The following ERLEC1 variants were observed in gnomAD, a reference collection of about 807,000 sequenced individuals.
The protein encoded by ERLEC1 is endoplasmic reticulum lectin 1.
ERLEC1 carries 47 observed loss-of-function variants against 68.0 expected under a neutral mutation model. That is an observed-to-expected ratio of 0.69 (90% CI 0.55 to 0.88). ERLEC1 has a LOEUF of 0.88. Ranked by LOEUF, ERLEC1 falls within the 40% of genes least tolerant of loss-of-function variation. The pLI, the probability that ERLEC1 is intolerant of heterozygous loss-of-function variation, is 0.00. For missense variants in ERLEC1, 567 were observed against 583.8 expected (o/e 0.97, Z 0.30); for synonymous variants, 225 against 203.2 (o/e 1.11, Z -0.91).
At chr2:53,817,174 C>A (rs1474341572) in intron 13 of ERLEC1, among the ~76,000 whole-genome samples, 1 of 151,360 alleles carries the variant, frequency 6.6e-6, no homozygotes, top group East Asian at 1.9e-4. Context: ...CGCTCTGTCA[C>A]CCAGGCTGGA....
At chr2:53,796,945 G>A (rs926449181) in intron 3 of ERLEC1, among the ~76,000 whole-genome samples, 2 of 139,966 alleles carry the variant, frequency 1.4e-5, no homozygotes, top group African/African-American at 5.4e-5. Flanking sequence ...AGGCTGGAGT[G>A]CAGTGGCACG....
intron 1 of ERLEC1, among the ~76,000 whole-genome samples, chr2:53,792,322 GC>G (rs1675456244): frequency 6.6e-6 from 1 of 151,776 alleles, no homozygotes. Flanking sequence ...ACTTACAGTG[GC>G]TTTTTAAACA....
At chr2:53,813,912 T>C (rs1676724474) in intron 11 of ERLEC1, among the ~76,000 whole-genome samples, 1 of 152,138 alleles carries the variant, frequency 6.6e-6, no homozygotes, top group African/African-American at 2.4e-5. Flanking sequence ...TAGCATTAGG[T>C]ATATCTCCTA....
Position 53,813,005 on chromosome 2 carries a change from T to A in ERLEC1, c.1158T>A (p.His386Gln). 1 of 1,613,844 alleles carries A rather than the reference T, an allele frequency of 6.2e-7. No homozygotes were observed. Among genetic ancestry groups the A allele is most frequent in the Non-Finnish European group, 8.5e-7 (1 of 1,179,944 alleles). The stretch of plus-strand genomic sequence containing the variant: ...TCGGGACATGGAACCAAGAAGAGCA[T>A]ATTGAATGGGCTAAGAAGAATACTG... ...VVVGTWNQEE[H>Q]IEWAKKNTAR... Residue 386 changes from histidine (H) to glutamine (Q), a missense_variant, in exon 11 of 14, where the codon CAT (histidine) becomes CAA (glutamine). Transcript: ENST00000185150.
At chr2:53,799,582 T>A (rs1675900041) in intron 6 of ERLEC1, among the ~76,000 whole-genome samples, 1 of 152,180 alleles carries the variant, frequency 6.6e-6, no homozygotes, top group South Asian at 2.1e-4. Context: ...ATAAATGATT[T>A]CTGTAACATA....
At chr2:53,792,545 CT>C (rs1418135884) in intron 1 of ERLEC1, among the ~76,000 whole-genome samples, 1 of 152,162 alleles carries the variant, frequency 6.6e-6, no homozygotes, top group Non-Finnish European at 1.5e-5. Context: ...GAGCATCATA[CT>C]TGTTTTGAGG....
In ERLEC1 at chr2:53,801,774, C is replaced by T. The variant is rs746713904; in HGVS notation, c.811C>T (p.Pro271Ser). The stretch of plus-strand genomic sequence containing the variant: ...ATCACTGCCAGGATCTCCATTTAAG[C>T]CCCTCACCCTGAGGCAGCTGGAGCA... ...CQSLPGSPFKPLTLRQLEQQE... is the reference protein window; with the variant it reads ...CQSLPGSPFKSLTLRQLEQQE... Residue 271 changes from proline (P) to serine (S), a missense_variant, in exon 8 of 14, where the codon CCC becomes TCC. Transcript: ENST00000185150. 3 of 1,613,888 alleles carry T rather than the reference C, an allele frequency of 1.9e-6. No homozygotes were observed. Among genetic ancestry groups the T allele is most frequent in the East Asian group, 4.5e-5 (2 of 44,874 alleles).
At chr2:53,805,438 G>A (rs532366275) in intron 8 of ERLEC1, among the ~76,000 whole-genome samples, 12 of 151,904 alleles carry the variant, frequency 7.9e-5, no homozygotes, top group African/African-American at 2.7e-4. Context: ...GGCTGGTTTC[G>A]AACTCCTGAG....
chr2:53,816,265 GTTTTTT>G (rs57918616), intron 13 of ERLEC1, among the ~76,000 whole-genome samples: 3 of 121,832 alleles, frequency 2.5e-5, no homozygotes, highest in Non-Finnish European at 5.1e-5. Context: ...GTTTTGGTTG[GTTTTTT>G]TTTTTTTTTT....
rs577755467 is a variant in ERLEC1, at chr2:53,797,608, A to G, written c.426+16A>G. The G allele has an allele frequency of 7.1e-5, 114 of 1,599,984 alleles. 1 individual carries two copies. In the South Asian group the frequency reaches 1.2e-3, roughly 17 times the overall value. ...AACTGGTCAGGTGTGTTTTTCTTCA[A>G]AATATTATTATGAAACATTATAAGA... On this transcript the variant is annotated intron_variant, in intron 4 of 13. Transcript: ENST00000185150.
intron 13 of ERLEC1, among the ~76,000 whole-genome samples, chr2:53,816,369 C>T (rs557328078): frequency 6.6e-6 from 1 of 150,446 alleles, no homozygotes; most frequent in African/African-American, 2.4e-5. Context: ...TGGGTTCAAG[C>T]GATTGTCCTG....
At chr2:53,814,485 CA>C (rs1676756572) in intron 11 of ERLEC1, 57 bp from the exon 12 acceptor site, 1 of 1,270,434 alleles carries the variant, frequency 7.9e-7, no homozygotes, top group Non-Finnish European at 1.1e-6. Flanking sequence ...CTACCCATTA[CA>C]ATTATTCTAT....
chr2:53,806,894 C>T (rs1676324606), intron 8 of ERLEC1, among the ~76,000 whole-genome samples: 1 of 152,126 alleles, frequency 6.6e-6, no homozygotes, highest in Non-Finnish European at 1.5e-5. Context: ...CCACCAGATC[C>T]TAATTTTTTA....
At chr2:53,793,635 C>T (rs1184162411) in intron 1 of ERLEC1, among the ~76,000 whole-genome samples, 2 of 150,262 alleles carry the variant, frequency 1.3e-5, no homozygotes, top group Non-Finnish European at 3.0e-5. Flanking sequence ...TTTTTTGTAA[C>T]AGGGTCTTGC....
intron 3 of ERLEC1, among the ~76,000 whole-genome samples, chr2:53,796,894 T>TC (rs1288345458): frequency 7.7e-5 from 11 of 143,064 alleles, no homozygotes; most frequent in South Asian, 4.4e-4. Flanking sequence ...TTTTTCTTTT[T>TC]TTTTTTTTTT....
chr2:53,809,798 G>A (rs113383064), intron 10 of ERLEC1, among the ~76,000 whole-genome samples: 7,617 of 152,208 alleles, frequency 0.05, 401 homozygotes, highest in East Asian at 0.28. Flanking sequence ...GCTCACGCCT[G>A]TATTCCCAGC....
chr2:53,803,261 T>C (rs1272915020), intron 8 of ERLEC1, among the ~76,000 whole-genome samples: 1 of 152,228 alleles, frequency 6.6e-6, no homozygotes, highest in African/African-American at 2.4e-5. Flanking sequence ...TGACCAACAC[T>C]GTCATTCTGA....
In ERLEC1 at chr2:53,787,132, C is replaced by T; in HGVS notation, c.-79C>T. 1 of 1,236,416 alleles carries T rather than the reference C, an allele frequency of 8.1e-7. No homozygotes were observed. Among genetic ancestry groups the T allele is most frequent in the Non-Finnish European group, 1.1e-6 (1 of 936,812 alleles). The allele number at this position is 1,236,416 out of a possible 1,614,324, so 76.6% of individuals were successfully genotyped here. A position where few individuals can be genotyped will look rare whatever the true frequency, so the allele number is the denominator to read the frequency against. ...GCGCTTTATAGTCCCGCCGCCTCCTCCTCCACCTCCTCCTCCTCCTCCTCT... is the reference window on the plus strand; with the variant it reads ...GCGCTTTATAGTCCCGCCGCCTCCTTCTCCACCTCCTCCTCCTCCTCCTCT... On this transcript the variant is annotated 5_prime_UTR_variant, in exon 1 of 14. Coordinates refer to ENST00000185150, the MANE Select transcript of ERLEC1 (RefSeq NM_015701.5).
At chr2:53,788,236 C>G in intron 1 of ERLEC1, among the ~76,000 whole-genome samples, 1 of 152,174 alleles carries the variant, frequency 6.6e-6, no homozygotes, top group East Asian at 1.9e-4. Flanking sequence ...AAGCATTCAA[C>G]TTGCAATACT....
Sources: allele counts gnomAD v4.1 joint callset (sites outside exome capture counted in the v4.1 genomes callset), GRCh38; gene constraint gnomAD v4.1.1; transcripts MANE v1.5; gene names NCBI Gene and HGNC (gene_info 2026-07-23, HGNC 2026-07-21).